Variants in HTT observed in about 807,000 individuals in gnomAD.
HTT encodes the protein huntington disease protein.
HTT carries 104 observed loss-of-function variants against 362.3 expected under a neutral mutation model. The ratio of observed to expected loss-of-function variants is 0.29; its 90% CI spans 0.24 to 0.34. HTT has a LOEUF of 0.34. Ranked by LOEUF, HTT falls within the 10% of genes least tolerant of loss-of-function variation. The pLI is 1.00. For missense variants in HTT, 3,301 were observed against 3,928.6 expected, an observed-to-expected ratio of 0.84 and a Z score of 4.27; for synonymous variants, 1,577 against 1,548.7, an observed-to-expected ratio of 1.02 and a Z score of -0.43.
chr4:3,144,043 A>G (rs998086107), intron 23 of HTT, among the ~76,000 whole-genome samples: 1 of 152,236 alleles, frequency 6.6e-6, no homozygotes, highest in African/African-American at 2.4e-5. Flanking sequence ...ATGGAGATGT[A>G]TAATCTGGAT....
In HTT at chr4:3,206,056, C is replaced by G. The variant is rs1378751466; in HGVS notation, c.5719-440C>G. The stretch of plus-strand genomic sequence containing the variant: ...TTCTTTTTTTCCCACTGAACTATCA[C>G]AAAATTGGAAAAAGAGTAATTGGAG... On this transcript the variant is annotated intron_variant, in intron 42 of 66. Transcript: ENST00000355072. The surrounding 1 kb of genome is among the most constrained non-coding windows in gnomAD (Gnocchi z 4.6). 6.6e-6 allele frequency among the ~76,000 whole-genome samples: 1 copy of G among 152,214 alleles called. No homozygotes were observed. Among genetic ancestry groups the G allele is most frequent in the African/African-American group, 2.4e-5 (1 of 41,462 alleles).
Position 3,121,447 on chromosome 4 carries a change from A to G in HTT, c.1273+15A>G. The G allele has an allele frequency of 6.4e-7, 1 of 1,573,078 alleles. No individual in the cohort carries two copies. The highest frequency in any genetic ancestry group is 8.7e-7 in the Non-Finnish European group (1 of 1,143,282). On this transcript the variant is annotated intron_variant, in intron 9 of 66. Coordinates refer to ENST00000355072, the MANE Select transcript of HTT (RefSeq NM_001388492.1). ...GGAACTTATAGGCAAGTTATTAGCA[A>G]GGTCTACTCTTACAATTAACTTTGC...
In HTT at chr4:3,218,152, G is replaced by A. The variant is rs1203782806; in HGVS notation, c.7242+200G>A. On this transcript the variant is annotated intron_variant, in intron 52 of 66. Transcript: ENST00000355072. This position sits in a 1 kb window ranked among gnomAD's most constrained non-coding sequence, Gnocchi z 4.4. ...TGGAGGTCGCTAGTAGAAATACTGG[G>A]TTTTCTAAAATGAACTGAGGCCCTA... Among the ~76,000 whole-genome samples, 1 of 152,218 alleles carries A rather than the reference G, an allele frequency of 6.6e-6. No individual in the cohort carries two copies. The highest frequency in any genetic ancestry group is 6.5e-5 in the Admixed American group (1 of 15,284).
In HTT at chr4:3,187,800, G is replaced by A; in HGVS notation, c.5139G>A (p.Arg1713=). 6.2e-7 allele frequency: 1 copy of A among 1,613,084 alleles called. No individual in the cohort carries two copies. The highest frequency in any genetic ancestry group is 8.5e-7 in the Non-Finnish European group (1 of 1,179,072). ...TAATCTCCTGTACAGTAATTAATAG[G>A]TTAAGAGATGGGGACAGTACTTCAA... ...PYLISCTVIN[R]LRDGDSTSTL... is the part of the protein sequence containing the mutation. Residue 1713 remains arginine (R), a synonymous_variant, in exon 39 of 67, where the codon AGG becomes AGA. Transcript: ENST00000355072.
chr4:3,212,192 G>A, intron 48 of HTT, 50 bp downstream of exon 48: 1 of 1,377,118 alleles, frequency 7.3e-7, no homozygotes, highest in Middle Eastern at 2.5e-4. Flanking sequence ...TCCAGGGCCA[G>A]TATAGTACTT....
chr4:3,214,815 T>C (rs943012901), intron 50 of HTT, among the ~76,000 whole-genome samples: 2 of 151,930 alleles, frequency 1.3e-5, no homozygotes, highest in African/African-American at 4.9e-5. Context: ...ATTTTGATAG[T>C]ATCTTGAGCC....
In HTT at chr4:3,142,778, C is replaced by T. The variant is rs752925380; in HGVS notation, c.2958C>T (p.Gly986=). 6.7e-7 allele frequency: 1 copy of T among 1,503,406 alleles called. No individual in the cohort carries two copies. Among genetic ancestry groups the T allele is most frequent in the Non-Finnish European group, 9.3e-7 (1 of 1,079,562 alleles). 93.1% of individuals were successfully genotyped at this position (1,503,406 alleles called of 1,614,324 possible). ...SVSTITRIYR[G]YNLLPSITDV... ...TTTTTGTTATTAGAATATATAGAGG[C>T]TATAACCTACTACCAAGCATAACAG... The change falls in exon 23 of 67, where the codon GGC becomes GGT. Residue 986 remains glycine, a synonymous_variant. Transcript: ENST00000355072.
intron 2 of HTT, among the ~76,000 whole-genome samples, chr4:3,093,502 C>T (rs1288306730): frequency 6.6e-6 from 1 of 152,112 alleles, no homozygotes; most frequent in Non-Finnish European, 1.5e-5. Flanking sequence ...GAATAATGCT[C>T]CCCTCTTTCC....
chr4:3,113,310 T>A (rs941514009), intron 6 of HTT, among the ~76,000 whole-genome samples: 1 of 152,116 alleles, frequency 6.6e-6, no homozygotes, highest in Admixed American at 6.5e-5. Context: ...ATTGTGCTTG[T>A]CTATTTGGAC....
chr4:3,216,748 G>A (rs1428171409), intron 51 of HTT, among the ~76,000 whole-genome samples: 5 of 151,488 alleles, frequency 3.3e-5, no homozygotes, highest in South Asian at 2.1e-4. Context: ...TTAATAGGCC[G>A]GGCGCGGTGG....
rs375507868 is a variant in HTT at position 3,135,450 on chromosome 4, T to G, written c.2634-454T>G. Among the ~76,000 whole-genome samples the G allele has an allele frequency of 3.7e-4, 57 of 152,066 alleles. No homozygotes were observed. The East Asian group carries it at 5.8e-3, about 15-fold the overall frequency. On this transcript the variant is annotated intron_variant, in intron 19 of 66. Transcript: ENST00000355072. ...TTCCTTTATAATTTAGGGTTTGTTT[T>G]TTTTTTTTCCAAGCCACCTTTTATA...
chr4:3,195,699 A>G (rs1719218413), intron 40 of HTT, among the ~76,000 whole-genome samples: 1 of 152,006 alleles, frequency 6.6e-6, no homozygotes. Flanking sequence ...CACACCAGAG[A>G]AGGTTGTTTC....
intron 28 of HTT, among the ~76,000 whole-genome samples, chr4:3,159,960 C>T (rs1441579001): frequency 6.6e-6 from 1 of 152,218 alleles, no homozygotes; most frequent in East Asian, 1.9e-4. Flanking sequence ...TGATATACCA[C>T]ATACCAGATA....
At chr4:3,168,473 A>G (rs1287646162) in intron 29 of HTT, among the ~76,000 whole-genome samples, 1 of 152,250 alleles carries the variant, frequency 6.6e-6, no homozygotes, top group African/African-American at 2.4e-5. Flanking sequence ...TTCTTTTTCT[A>G]AATAGCAACA....
rs1360308044 is a variant in HTT, at chr4:3,149,754, C to G, written c.3498+1547C>G. On this transcript the variant is annotated intron_variant, in intron 26 of 66. Transcript: ENST00000355072. ...TCTCTGCAAACATCTCTGGAGAGTC[C>G]CAGCCTCAGCCCACAGAGCTTCCCA... Among the ~76,000 whole-genome samples the G allele has an allele frequency of 7.2e-5, 11 of 152,174 alleles. 1 individual carries two copies. Among genetic ancestry groups the G allele is most frequent in the Non-Finnish European group, 1.6e-4 (11 of 68,030 alleles).
At chr4:3,129,012 T>G (rs1463822544) in intron 12 of HTT, 2 of 152,230 alleles carry the variant, frequency 1.3e-5, no homozygotes, top group Admixed American at 1.3e-4. Context: ...TCATATACTT[T>G]AGGAGTCACA....
At position 3,116,096 on chromosome 4, in the gene HTT, C is replaced by A; in HGVS notation, c.901C>A (p.Pro301Thr). The change falls in exon 8 of 67, where the codon CCT (proline) becomes ACT (threonine). Residue 301 changes from proline (P) to threonine (T), a missense_variant. Physicochemically the swap from Pro to Thr is conservative, Grantham distance 38. Coordinates refer to ENST00000355072, the MANE Select transcript of HTT (RefSeq NM_001388492.1). The stretch of plus-strand genomic sequence containing the variant: ...TTCCACCCCCACAGGCTTACTCGTT[C>A]CTGTCGAGGATGAACACTCCACTCT... ...LLNVLLGLLV[P>T]VEDEHSTLLI... The A allele has an allele frequency of 6.2e-7, 1 of 1,610,334 alleles. No individual in the cohort carries two copies. The highest frequency in any genetic ancestry group is 1.7e-5 in the Admixed American group (1 of 59,984).
intron 31 of HTT, 102 bp from the exon 32 acceptor site, chr4:3,174,619 G>A (rs529647353): frequency 8.6e-5 from 74 of 855,796 alleles, no homozygotes; most frequent in East Asian, 3.8e-4. Context: ...CGTTCTGATC[G>A]TGTGAATGTG....
At chr4:3,223,332 G>T (rs1720763125) in intron 54 of HTT, 74 bp from the exon 55 acceptor site, 1 of 1,405,128 alleles carries the variant, frequency 7.1e-7, no homozygotes, top group African/African-American at 1.4e-5. Flanking sequence ...AGGCAGGGAA[G>T]ACTCTGGGTT....
Sources: gnomAD v4.1 joint callset for allele counts (sites outside exome capture counted in the v4.1 genomes callset) on GRCh38, gnomAD v4.1.1 for gene constraint, Gnocchi (gnomAD v3.1) non-coding constraint, MANE v1.5 for transcripts, NCBI Gene and HGNC (gene_info 2026-07-23, HGNC 2026-07-21) for gene names.